Variants in SRD5A2 observed in about 807,000 individuals in gnomAD.
The protein encoded by SRD5A2 is steroid 5 alpha-reductase 2, also known as 3-oxo-5-alpha-steroid 4-dehydrogenase 2.
Under a neutral mutation model 27.4 loss-of-function variants are expected in SRD5A2, and 30 were observed. The ratio of observed to expected loss-of-function variants is 1.10; its 90% CI spans 0.82 to 1.49. SRD5A2 has a LOEUF of 1.49. Ranked by LOEUF, SRD5A2 falls within the 40% of genes most tolerant of loss-of-function variation. SRD5A2 has a pLI of 0.00. For synonymous variants in SRD5A2, 141 were observed against 133.6 expected (o/e 1.06, Z -0.38); for missense variants, 348 against 323.4 (o/e 1.08, Z -0.58).
rs1464509492 is a variant in SRD5A2, at chr2:31,523,424, A to T, written c.*2772T>A. The T allele has an allele frequency of 2.7e-5, 6 of 218,350 alleles. No homozygotes were observed. 13.5% of individuals were successfully genotyped at this position (218,350 alleles called of 1,614,324 possible). A position where few individuals can be genotyped will look rare whatever the true frequency, so the allele number is the denominator to read the frequency against. On this transcript the variant is annotated 3_prime_UTR_variant, in exon 5 of 5. Coordinates refer to ENST00000622030, the MANE Select transcript of SRD5A2 (RefSeq NM_000348.4). ...GAAGAAGCATACATCTGACCCTCAA[A>T]GGGACAAAATGAGATGGCTGCTCTG...
the SRD5A2 span, among the ~76,000 whole-genome samples, chr2:31,658,712 T>C: frequency 2.0e-5 from 3 of 151,924 alleles, no homozygotes; most frequent in Non-Finnish European, 2.9e-5. Context: ...AGCTCTGAAA[T>C]TGAATCAGTA....
At chr2:31,581,836 C>G (rs1423687153), upstream of SRD5A2, among the ~76,000 whole-genome samples, 1 of 152,182 alleles carries the variant, frequency 6.6e-6, no homozygotes, top group Non-Finnish European at 1.5e-5. Context: ...CCCCGCTGTT[C>G]TCTGAACTCC....
At chr2:31,528,631 G>A (rs1200281565) in intron 4 of SRD5A2, among the ~76,000 whole-genome samples, 1 of 152,128 alleles carries the variant, frequency 6.6e-6, no homozygotes, top group African/African-American at 2.4e-5. Flanking sequence ...AGCTGGGCAT[G>A]GTGGTGGGCC....
At chr2:31,543,698 T>C (rs1450891174) in intron 1 of SRD5A2, among the ~76,000 whole-genome samples, 1 of 152,142 alleles carries the variant, frequency 6.6e-6, no homozygotes, top group Non-Finnish European at 1.5e-5. Context: ...TAAGTTAGAA[T>C]GTTATAAATT....
intron 1 of SRD5A2, among the ~76,000 whole-genome samples, chr2:31,552,280 CTA>C (rs1666396008): frequency 6.6e-6 from 1 of 150,642 alleles, no homozygotes; most frequent in East Asian, 1.9e-4. Flanking sequence ...TACACTTTAC[CTA>C]TGTCAGCCTC....
At chr2:31,616,224 C>G in the SRD5A2 span, among the ~76,000 whole-genome samples, 1 of 152,164 alleles carries the variant, frequency 6.6e-6, no homozygotes, top group African/African-American at 2.4e-5. Context: ...AGAACCTCCA[C>G]TAGGGCAGTG....
At chr2:31,533,559 G>T in intron 2 of SRD5A2, 44 bp downstream of exon 2, 1 of 1,535,518 alleles carries the variant, frequency 6.5e-7, no homozygotes, top group Non-Finnish European at 8.8e-7. Flanking sequence ...TGTGGGAAGG[G>T]TTGTTAGCTG....
chr2:31,614,670 G>C, the SRD5A2 span, among the ~76,000 whole-genome samples: 8 of 152,202 alleles, frequency 5.3e-5, no homozygotes, highest in Non-Finnish European at 1.0e-4. Context: ...TTCTCCATGA[G>C]AGCTCTGTCA....
chr2:31,623,551 A>G, the SRD5A2 span, among the ~76,000 whole-genome samples: 15 of 152,134 alleles, frequency 9.9e-5, no homozygotes, highest in Non-Finnish European at 1.8e-4. Flanking sequence ...GTGTTTTGGC[A>G]TCGATTATTT....
At chr2:31,538,724 C>A (rs1221624252) in intron 1 of SRD5A2, among the ~76,000 whole-genome samples, 4 of 152,176 alleles carry the variant, frequency 2.6e-5, no homozygotes, top group African/African-American at 9.7e-5. Flanking sequence ...TCCCTGACCA[C>A]CTTATGTAAA....
chr2:31,545,538 A>C (rs1458807880), intron 1 of SRD5A2, among the ~76,000 whole-genome samples: 2 of 152,188 alleles, frequency 1.3e-5, no homozygotes, highest in Non-Finnish European at 2.9e-5. Context: ...TCATGATAAA[A>C]GCACCAACCA....
the SRD5A2 span, among the ~76,000 whole-genome samples, chr2:31,619,107 T>C: frequency 6.6e-6 from 1 of 152,078 alleles, no homozygotes; most frequent in African/African-American, 2.4e-5. Context: ...CGAAATCACA[T>C]TTAGAAACCA....
At chr2:31,634,912 C>T in the SRD5A2 span, among the ~76,000 whole-genome samples, 1 of 152,128 alleles carries the variant, frequency 6.6e-6, no homozygotes, top group South Asian at 2.1e-4. Flanking sequence ...ATATGTAGCA[C>T]ATTTTCTTGA....
chr2:31,538,063 A>G (rs192112977), intron 1 of SRD5A2, among the ~76,000 whole-genome samples: 14 of 152,356 alleles, frequency 9.2e-5, no homozygotes, highest in Non-Finnish European at 1.9e-4. Flanking sequence ...AATTATCTAT[A>G]GGACAGCAAG....
At chr2:31,565,023 CT>C in intron 1 of SRD5A2, among the ~76,000 whole-genome samples, 1 of 151,666 alleles carries the variant, frequency 6.6e-6, no homozygotes, top group East Asian at 1.9e-4. Context: ...TAAGTTGAGG[CT>C]TTTATAGCAC....
rs1553325849 is a variant in SRD5A2 at position 31,549,124 on chromosome 2, A to ATTG, written c.282-15359_282-15358insCAA. Among the ~76,000 whole-genome samples, 862 of 139,048 alleles carry ATTG rather than the reference A, an allele frequency of 6.2e-3. 5 individuals are homozygous for ATTG. The highest frequency in any genetic ancestry group is 0.01 in the Non-Finnish European group (655 of 63,348). 91.2% of individuals were successfully genotyped at this position (139,048 alleles called of 152,430 possible). ...TATTATTATTATTATTATTATTATT[A>ATTG]TTATTTAAGATGGAGTCTCACTCTG... On this transcript the variant is annotated intron_variant, in intron 1 of 4. Transcript: ENST00000622030.
At chr2:31,610,970 C>T in the SRD5A2 span, among the ~76,000 whole-genome samples, 1 of 151,874 alleles carries the variant, frequency 6.6e-6, no homozygotes, top group South Asian at 2.1e-4. Flanking sequence ...TTAGCCAGGC[C>T]TGGTGGCGAG....
the SRD5A2 span, among the ~76,000 whole-genome samples, chr2:31,653,320 C>G: frequency 6.6e-6 from 1 of 152,154 alleles, no homozygotes; most frequent in Non-Finnish European, 1.5e-5. Flanking sequence ...AAGTGTCCCT[C>G]CATCTCAGAG....
At chr2:31,534,840 T>G (rs886900656) in intron 1 of SRD5A2, among the ~76,000 whole-genome samples, 1 of 152,182 alleles carries the variant, frequency 6.6e-6, no homozygotes, top group Non-Finnish European at 1.5e-5. Flanking sequence ...AGAAATGCCC[T>G]GGGCTTCATG....
Sources: allele counts gnomAD v4.1 joint callset (sites outside exome capture counted in the v4.1 genomes callset), GRCh38; gene constraint gnomAD v4.1.1; transcripts MANE v1.5; gene names NCBI Gene and HGNC (gene_info 2026-07-23, HGNC 2026-07-21).